DCC: variants seen among roughly 807,000 people sequenced by gnomAD.
DCC encodes DCC netrin 1 receptor.
A neutral mutation model predicts 172.5 loss-of-function variants in DCC; 58 were observed. The observed-to-expected ratio is 0.34, with a 90% CI of 0.27 to 0.42. The LOEUF is 0.42. Ranked by LOEUF, DCC falls within the 10% of genes least tolerant of loss-of-function variation. The pLI is 1.00. For synonymous variants in DCC, 709 were observed against 644.5 expected (o/e 1.10, Z -1.52); for missense variants, 1,740 against 1,791.0 (o/e 0.97, Z 0.51).
At chr18:52,414,622 A>G (rs1986955090) in intron 1 of DCC, among the ~76,000 whole-genome samples, 1 of 152,184 alleles carries the variant, frequency 6.6e-6, no homozygotes, top group Non-Finnish European at 1.5e-5. Context: ...TGTGGAAAAC[A>G]AGAAGAAGCC....
intron 1 of DCC, among the ~76,000 whole-genome samples, chr18:52,554,056 A>G (rs541661997): frequency 3.4e-4 from 52 of 152,082 alleles, no homozygotes; most frequent in Non-Finnish European, 4.4e-4. Context: ...TGGGGATAAT[A>G]AGGGAGACTA....
intron 1 of DCC, among the ~76,000 whole-genome samples, chr18:52,644,181 A>G (rs914075421): frequency 5.3e-5 from 8 of 152,246 alleles, no homozygotes; most frequent in African/African-American, 1.9e-4. Context: ...GCCAAAACAG[A>G]TGAGCATCAC....
At chr18:53,523,303 T>G (rs1165772346) in intron 27 of DCC, among the ~76,000 whole-genome samples, 2 of 152,198 alleles carry the variant, frequency 1.3e-5, no homozygotes, top group Admixed American at 6.5e-5. Context: ...GGAACACTTT[T>G]ACACTGTTGG....
In DCC at chr18:52,735,285, C is replaced by T. The variant is rs2036707602; in HGVS notation, c.92-16769C>T. On this transcript the variant is annotated intron_variant, in intron 1 of 28. Coordinates refer to ENST00000442544, the MANE Select transcript of DCC (RefSeq NM_005215.4). ...CATCCCTCCAGGGCTCACTGGTTGC[C>T]AACATCAGTAGTATGATAAGCCATT... is the stretch of plus-strand genomic sequence containing the variant. 2.0e-5 allele frequency among the ~76,000 whole-genome samples: 3 copies of T among 152,078 alleles called. No homozygotes were observed. The South Asian group carries it at 6.2e-4, about 32-fold the overall frequency.
chr18:52,796,447 T>C (rs1222427417), intron 2 of DCC, among the ~76,000 whole-genome samples: 2 of 152,180 alleles, frequency 1.3e-5, no homozygotes, highest in Non-Finnish European at 2.9e-5. Context: ...ATGGTAGATA[T>C]TATCCTTTCA....
intron 3 of DCC, among the ~76,000 whole-genome samples, chr18:52,922,409 A>G (rs1176959774): frequency 6.6e-6 from 1 of 152,072 alleles, no homozygotes; most frequent in African/African-American, 2.4e-5. Context: ...GTCCCCTCCC[A>G]CTTTATATTC....
chr18:52,578,087 T>G (rs1639287436), intron 1 of DCC, among the ~76,000 whole-genome samples: 2 of 152,194 alleles, frequency 1.3e-5, no homozygotes, highest in Admixed American at 1.3e-4. Context: ...CTAAAGCAAT[T>G]TTGCTATTCC....
At chr18:53,345,016 C>T (rs955539570) in intron 15 of DCC, among the ~76,000 whole-genome samples, 4 of 151,740 alleles carry the variant, frequency 2.6e-5, no homozygotes, top group Non-Finnish European at 4.4e-5. Context: ...GTCACCACTC[C>T]TCAACTCTGC....
At chr18:52,670,622 C>T (rs2035534430) in intron 1 of DCC, among the ~76,000 whole-genome samples, 1 of 152,078 alleles carries the variant, frequency 6.6e-6, no homozygotes, top group African/African-American at 2.4e-5. Context: ...GGTGGATCAC[C>T]TGAGGTCAGG....
chr18:53,118,914 C>G (rs1205465082), intron 7 of DCC, among the ~76,000 whole-genome samples: 1 of 151,688 alleles, frequency 6.6e-6, no homozygotes, highest in Admixed American at 6.6e-5. Context: ...TTTTCCTTCT[C>G]TCTCTTTATC....
At chr18:53,356,095 C>T (rs1028654517) in intron 15 of DCC, among the ~76,000 whole-genome samples, 2 of 152,012 alleles carry the variant, frequency 1.3e-5, no homozygotes, top group Non-Finnish European at 2.9e-5. Context: ...CACTCTGTCA[C>T]CCAGGCTGGA....
At chr18:53,066,684 T>C (rs1434982996) in intron 7 of DCC, among the ~76,000 whole-genome samples, 1 of 151,912 alleles carries the variant, frequency 6.6e-6, no homozygotes, top group Non-Finnish European at 1.5e-5. Context: ...GTACATATTT[T>C]CTTATATGTA....
intron 1 of DCC, among the ~76,000 whole-genome samples, chr18:52,703,024 C>T (rs910215438): frequency 3.3e-5 from 5 of 152,162 alleles, no homozygotes; most frequent in Non-Finnish European, 5.9e-5. Flanking sequence ...CAAACATAGA[C>T]ACTTCTCTAC....
intron 14 of DCC, among the ~76,000 whole-genome samples, chr18:53,334,504 G>C (rs1404424073): frequency 6.6e-6 from 1 of 152,098 alleles, no homozygotes; most frequent in African/African-American, 2.4e-5. Flanking sequence ...TTGTCATGCA[G>C]CCATCACCAC....
chr18:53,253,185 A>G (rs2056460731), intron 12 of DCC, among the ~76,000 whole-genome samples: 1 of 151,972 alleles, frequency 6.6e-6, no homozygotes, highest in African/African-American at 2.4e-5. Context: ...TTGAAAATCT[A>G]ACAACACAGC....
chr18:52,387,627 C>T (rs1021369642), intron 1 of DCC, among the ~76,000 whole-genome samples: 1 of 148,214 alleles, frequency 6.7e-6, no homozygotes, highest in Non-Finnish European at 1.5e-5. Context: ...TCCTTCCTTC[C>T]TTCCTTCTGT....
intron 1 of DCC, among the ~76,000 whole-genome samples, chr18:52,409,656 A>C (rs72918825): frequency 0.091 from 13,871 of 152,090 alleles, 829 homozygotes; most frequent in Middle Eastern, 0.18. Context: ...CTAATTCATG[A>C]GCTATTTATC....
At chr18:52,639,789 A>G (rs182631401) in intron 1 of DCC, among the ~76,000 whole-genome samples, 1 of 152,236 alleles carries the variant, frequency 6.6e-6, no homozygotes, top group East Asian at 1.9e-4. Context: ...AGACGTTCAA[A>G]GAAGAATTGG....
intron 2 of DCC, among the ~76,000 whole-genome samples, chr18:52,842,281 T>TA (rs1439846590): frequency 6.6e-6 from 1 of 152,130 alleles, no homozygotes; most frequent in Non-Finnish European, 1.5e-5. Flanking sequence ...AGAGCTTTAC[T>TA]ATAAGGTATT....
Sources: allele counts gnomAD v4.1 joint callset (sites outside exome capture counted in the v4.1 genomes callset), GRCh38; gene constraint gnomAD v4.1.1; transcripts MANE v1.5; gene names NCBI Gene and HGNC (gene_info 2026-07-23, HGNC 2026-07-21).